Variants in CEP126 observed in about 807,000 individuals in gnomAD.
The protein encoded by CEP126 is centrosomal protein of 126 kDa.
CEP126 carries 74 observed loss-of-function variants against 107.8 expected under a neutral mutation model. The observed-to-expected ratio is 0.69, with a 90% CI of 0.57 to 0.83. The LOEUF is 0.83. Among genes scored for constraint, CEP126 ranks in the 40% least tolerant of loss-of-function variants. CEP126 has a pLI of 0.00. For missense variants in CEP126, 1,237 were observed against 1,281.9 expected, an observed-to-expected ratio of 0.96 and a Z score of 0.53; for synonymous variants, 449 against 446.0, an observed-to-expected ratio of 1.01 and a Z score of -0.08.
chr11:101,947,983 C>G, intron 3 of CEP126, 48 bp from the exon 4 acceptor site: 1 of 899,458 alleles, frequency 1.1e-6, no homozygotes, highest in Non-Finnish European at 1.7e-6. Flanking sequence ...AAAGTGACCA[C>G]TGAAGATAAA....
intron 2 of CEP126, among the ~76,000 whole-genome samples, chr11:101,939,893 G>GCTAACT: frequency 1.3e-5 from 2 of 152,224 alleles, no homozygotes; most frequent in East Asian, 3.9e-4. Context: ...CTCCATATCA[G>GCTAACT]CCATATTAAA....
At chr11:101,938,534 C>T (rs1327953173) in intron 2 of CEP126, among the ~76,000 whole-genome samples, 4 of 151,692 alleles carry the variant, frequency 2.6e-5, no homozygotes, top group African/African-American at 9.7e-5. Flanking sequence ...AACCTTTCCC[C>T]TTTTCTGGTA....
At chr11:101,934,678 T>C (rs1940549959) in intron 2 of CEP126, among the ~76,000 whole-genome samples, 3 of 152,114 alleles carry the variant, frequency 2.0e-5, no homozygotes, top group Non-Finnish European at 4.4e-5. Context: ...TAATTTTTCA[T>C]GTTGAGATTC....
At chr11:101,946,027 G>C (rs910121981) in intron 3 of CEP126, among the ~76,000 whole-genome samples, 1 of 152,124 alleles carries the variant, frequency 6.6e-6, no homozygotes, top group Non-Finnish European at 1.5e-5. Context: ...ACTAAAGTAA[G>C]TAGACTAGTA....
chr11:101,915,151 C>A lies in CEP126; in HGVS notation c.-134C>A. The A allele has an allele frequency of 7.2e-7, 1 of 1,390,068 alleles. No homozygotes were observed. The highest frequency in any genetic ancestry group is 1.4e-5 in the South Asian group (1 of 72,820). 86.1% of individuals were successfully genotyped at this position (1,390,068 alleles called of 1,614,324 possible). A position where few individuals can be genotyped will look rare whatever the true frequency, so the allele number is the denominator to read the frequency against. On this transcript the variant is annotated 5_prime_UTR_variant, in exon 1 of 11. Coordinates refer to ENST00000263468, the MANE Select transcript of CEP126 (RefSeq NM_020802.4). ...TGCGCGGGAGCTAGGGCTGTCGAGG[C>A]CAACCCTTCCGCGCCCGTGACGCGG...
chr11:101,983,572 A>AT lies in CEP126; in HGVS notation c.3034+1613dup, dbSNP rs549189289. 3.8e-3 allele frequency among the ~76,000 whole-genome samples: 585 copies of AT among 152,328 alleles called. 5 individuals are homozygous for AT. Among genetic ancestry groups the AT allele is most frequent in the African/African-American group, 0.014 (562 of 41,580 alleles). On this transcript the variant is annotated intron_variant, in intron 8 of 10. Coordinates refer to ENST00000263468, the MANE Select transcript of CEP126 (RefSeq NM_020802.4). ...TTATAGAAATTTAAGACACAGCATT[A>AT]TTTTTAAAGATTTGTGGTGATCAAG...
chr11:101,924,410 A>AT (rs912699298), intron 2 of CEP126, among the ~76,000 whole-genome samples: 7 of 150,650 alleles, frequency 4.6e-5, no homozygotes, highest in African/African-American at 1.5e-4. Flanking sequence ...GTCACAGAGG[A>AT]TTTTTTTGTT....
chr11:101,916,407 AAAAT>A lies in CEP126; in HGVS notation c.128+997_128+1000del, dbSNP rs1171633551. 4 of 152,346 alleles carry A rather than the reference AAAAT, an allele frequency of 2.6e-5. No homozygotes were observed. In the East Asian group the frequency reaches 5.8e-4, roughly 22 times the overall value. The allele number at this position is 152,346 out of a possible 1,614,324, so 9.4% of individuals were successfully genotyped here. ...ATGTGTATAGAGCTTCACTAAAAGT[AAAAT>A]ATCTCTTCTCCGATCATGCTTTCTG... On this transcript the variant is annotated intron_variant, in intron 1 of 10. Transcript: ENST00000263468.
Position 101,948,117 on chromosome 11 carries a change from T to C in CEP126, c.481T>C (p.Ser161Pro). Residue 161 changes from serine (S) to proline (P), a missense_variant, in exon 4 of 11, where the codon TCC (serine) becomes CCC (proline). Around this residue, in one of 3 missense-constraint regions of CEP126, gnomAD observed 1,134 missense variants for 1,150.5 expected, o/e 0.99. Coordinates refer to ENST00000263468, the MANE Select transcript of CEP126 (RefSeq NM_020802.4). ...AAAATCAGAAGTAAACCTTCCCTTT[T>C]CCCGTAGACCAACAATAAACTGGAG... ...NLKSEVNLPF[S>P]RRPTINWRAI... 6.2e-7 allele frequency: 1 copy of C among 1,607,396 alleles called. No homozygotes were observed. The highest frequency in any genetic ancestry group is 8.5e-7 in the Non-Finnish European group (1 of 1,174,622).
intron 5 of CEP126, 117 bp from the exon 6 acceptor site, chr11:101,961,624 T>C: frequency 1.7e-6 from 1 of 576,800 alleles, no homozygotes. Context: ...ATGATGTTTA[T>C]AGTCATACTA....
intron 4 of CEP126, among the ~76,000 whole-genome samples, chr11:101,951,162 G>C (rs780172127): frequency 3.9e-5 from 6 of 152,134 alleles, no homozygotes; most frequent in Non-Finnish European, 8.8e-5. Context: ...CAGAGAAGTA[G>C]CATAAAGAAA....
chr11:101,983,550 T>C (rs1941281553), intron 8 of CEP126, among the ~76,000 whole-genome samples: 2 of 152,214 alleles, frequency 1.3e-5, no homozygotes, highest in African/African-American at 4.8e-5. Flanking sequence ...AGGCTGGTTA[T>C]AGAAATTTAA....
intron 8 of CEP126, among the ~76,000 whole-genome samples, chr11:101,985,368 C>G (rs566109756): frequency 6.6e-6 from 1 of 151,568 alleles, no homozygotes; most frequent in Non-Finnish European, 1.5e-5. Flanking sequence ...TTGCAACCTC[C>G]GCCTCTCAAG....
intron 3 of CEP126, among the ~76,000 whole-genome samples, chr11:101,946,310 C>T (rs556319915): frequency 2.0e-5 from 3 of 151,232 alleles, no homozygotes; most frequent in Admixed American, 6.6e-5. Flanking sequence ...GAGTTCAAGA[C>T]CATCCTGGGC....
At chr11:101,918,156 G>A (rs1049620268) in intron 1 of CEP126, among the ~76,000 whole-genome samples, 5 of 152,066 alleles carry the variant, frequency 3.3e-5, no homozygotes, top group Non-Finnish European at 7.4e-5. Context: ...AAAGTGAAGT[G>A]AACCCATTCA....
At chr11:101,994,673 G>A (rs980884226) in intron 10 of CEP126, among the ~76,000 whole-genome samples, 12 of 152,142 alleles carry the variant, frequency 7.9e-5, no homozygotes, top group African/African-American at 2.7e-4. Context: ...AAGATCAGAT[G>A]GTTATAGGAG....
At chr11:101,958,139 A>G in intron 4 of CEP126, 29 bp from the exon 5 acceptor site, 1 of 1,594,582 alleles carries the variant, frequency 6.3e-7, no homozygotes, top group South Asian at 1.1e-5. Context: ...ATTTAAATGT[A>G]CTAAGCACTT....
At chr11:101,979,369 A>G (rs1941229637) in intron 7 of CEP126, among the ~76,000 whole-genome samples, 1 of 152,196 alleles carries the variant, frequency 6.6e-6, no homozygotes, top group Non-Finnish European at 1.5e-5. Flanking sequence ...TGCTCCTAAT[A>G]ACGGTTCCAC....
At chr11:101,924,038 C>G (rs1271976330) in intron 2 of CEP126, among the ~76,000 whole-genome samples, 2 of 151,892 alleles carry the variant, frequency 1.3e-5, no homozygotes, top group East Asian at 1.9e-4. Flanking sequence ...TAATAGCAAG[C>G]CTTTATGGAA....
Sources: allele counts gnomAD v4.1 joint callset (sites outside exome capture counted in the v4.1 genomes callset), GRCh38; gene constraint gnomAD v4.1.1; regional missense constraint gnomAD v4.1.1; transcripts MANE v1.5; gene names NCBI Gene and HGNC (gene_info 2026-07-23, HGNC 2026-07-21).